The following EPM2A variants were observed in gnomAD, a reference collection of about 807,000 sequenced individuals.
EPM2A encodes the protein EPM2A glucan phosphatase, laforin, also known as laforin.
In EPM2A, 21 loss-of-function variants were observed where a neutral mutation model predicts 26.5. The observed-to-expected ratio is 0.79, with a 90% confidence interval of 0.56 to 1.14. The LOEUF (loss-of-function observed/expected upper bound fraction) is 1.14. EPM2A is among the 50% of genes most tolerant of loss of function. The pLI is 0.00. For synonymous variants in EPM2A, 217 were observed against 177.6 expected (o/e 1.22, Z -1.76); for missense variants, 458 against 440.8 (o/e 1.04, Z -0.35).
intron 4 of EPM2A, among the ~76,000 whole-genome samples, chr6:145,472,405 G>C (rs890798972): frequency 1.3e-5 from 2 of 151,798 alleles, no homozygotes; most frequent in African/African-American, 4.9e-5. Context: ...AGCGGACTTT[G>C]TTTTGCACCT....
At chr6:145,558,515 A>G (rs973921502) in intron 2 of EPM2A, among the ~76,000 whole-genome samples, 16 of 151,070 alleles carry the variant, frequency 1.1e-4, no homozygotes, top group Admixed American at 6.6e-5. Flanking sequence ...ACTGTTTTAC[A>G]TAATGTCTGT....
At chr6:145,657,794 C>A (rs574027967) in intron 2 of EPM2A, among the ~76,000 whole-genome samples, 6 of 152,270 alleles carry the variant, frequency 3.9e-5, no homozygotes, top group East Asian at 1.9e-4. Flanking sequence ...AAGTTCTAAT[C>A]AAAAAATTAT....
chr6:145,674,023 G>A (rs1040409869), intron 2 of EPM2A, among the ~76,000 whole-genome samples: 3 of 152,290 alleles, frequency 2.0e-5, no homozygotes, highest in African/African-American at 7.2e-5. Context: ...CTAACAGGGA[G>A]ACACCTACCA....
At chr6:145,618,035 G>A (rs973196636) in intron 2 of EPM2A, among the ~76,000 whole-genome samples, 1 of 152,146 alleles carries the variant, frequency 6.6e-6, no homozygotes, top group African/African-American at 2.4e-5. Context: ...GTCATAGAAT[G>A]GGCCAAAGCC....
chr6:145,691,116 T>A (rs1583063455), intron 1 of EPM2A, among the ~76,000 whole-genome samples: 1 of 152,102 alleles, frequency 6.6e-6, no homozygotes, highest in African/African-American at 2.4e-5. Context: ...GGAAAACTTT[T>A]CAAATTTGGC....
downstream of EPM2A, among the ~76,000 whole-genome samples, chr6:145,621,248 C>T (rs116927922): frequency 0.011 from 1,668 of 152,294 alleles, 13 homozygotes; most frequent in Admixed American, 0.018. Context: ...CAAGTTTTAA[C>T]GCTGTTGTTG....
At chr6:145,544,414 A>G (rs942415876) in intron 2 of EPM2A, among the ~76,000 whole-genome samples, 1 of 152,188 alleles carries the variant, frequency 6.6e-6, no homozygotes, top group Non-Finnish European at 1.5e-5. Context: ...GCTCAGTAAC[A>G]TTGGACAGAA....
At chr6:145,732,236 T>TGTGTGTGTGCGC (rs374032616) in intron 1 of EPM2A, among the ~76,000 whole-genome samples, 1 of 132,144 alleles carries the variant, frequency 7.6e-6, no homozygotes, top group East Asian at 2.2e-4. Context: ...TGTGTGTGTG[T>TGTGTGTGTGCGC]GCGCGCCAAA....
At chr6:145,649,147 T>G (rs1268797399) in intron 2 of EPM2A, among the ~76,000 whole-genome samples, 1 of 152,200 alleles carries the variant, frequency 6.6e-6, no homozygotes, top group Non-Finnish European at 1.5e-5. Context: ...GTTTCCCAGC[T>G]TTCACAGTAA....
chr6:145,561,890 G>A (rs758799815), intron 2 of EPM2A, among the ~76,000 whole-genome samples: 1 of 151,978 alleles, frequency 6.6e-6, no homozygotes, highest in South Asian at 2.1e-4. Flanking sequence ...AACACACCAG[G>A]GCCAGTCGGT....
At chr6:145,466,401 A>G (rs1187819936) in intron 4 of EPM2A, among the ~76,000 whole-genome samples, 10 of 152,250 alleles carry the variant, frequency 6.6e-5, no homozygotes, top group Admixed American at 2.6e-4. Context: ...AATGCTCATC[A>G]TCACTGGCCA....
chr6:145,635,165 T>C, intron 3 of EPM2A, 80 bp downstream of exon 3: 1 of 1,487,750 alleles, frequency 6.7e-7, no homozygotes, highest in South Asian at 1.1e-5. Flanking sequence ...ATTTTTAAGA[T>C]ATTAAATTAT....
chr6:145,625,792 C>G lies in EPM2A; in HGVS notation c.*1624G>C. 2.0e-6 allele frequency: 3 copies of G among 1,492,142 alleles called. No homozygotes were observed. The highest frequency in any genetic ancestry group is 2.8e-6 in the Non-Finnish European group (3 of 1,081,840). The allele number at this position is 1,492,142 out of a possible 1,614,324, so 92.4% of individuals were successfully genotyped here. A position where few individuals can be genotyped will look rare whatever the true frequency, so the allele number is the denominator to read the frequency against. On this transcript the variant is annotated 3_prime_UTR_variant, in exon 4 of 4. Transcript: ENST00000367519. ...CTATCTCCCCGTCCTCTGAGCTCCA[C>G]TGAAACTTACCTTGTATCCTTCTTG...
At chr6:145,489,944 C>A (rs527278882) in intron 4 of EPM2A, 3 of 1,369,442 alleles carry the variant, frequency 2.2e-6, no homozygotes, top group East Asian at 4.6e-5. Context: ...CTTATTTGGA[C>A]CTGCTCTGGA....
intron 2 of EPM2A, among the ~76,000 whole-genome samples, chr6:145,526,801 G>C (rs1378423917): frequency 6.6e-6 from 1 of 151,812 alleles, no homozygotes; most frequent in Non-Finnish European, 1.5e-5. Context: ...CCTGATTTTA[G>C]TTCTTTCTTT....
chr6:145,710,012 C>A (rs1269755499), intron 1 of EPM2A, among the ~76,000 whole-genome samples: 1 of 152,118 alleles, frequency 6.6e-6, no homozygotes, highest in Non-Finnish European at 1.5e-5. Context: ...ACCATAAAAA[C>A]CCTAGAAGAA....
chr6:145,487,997 C>T (rs974540946), intron 4 of EPM2A, among the ~76,000 whole-genome samples: 2 of 152,026 alleles, frequency 1.3e-5, no homozygotes, highest in East Asian at 1.9e-4. Flanking sequence ...TTTTTGTATA[C>T]AGTTTAAGGA....
chr6:145,468,913 T>C (rs1485395989), intron 4 of EPM2A, among the ~76,000 whole-genome samples: 2 of 152,078 alleles, frequency 1.3e-5, no homozygotes, highest in African/African-American at 4.8e-5. Flanking sequence ...ATAACCAGAA[T>C]ACATAAGGAG....
At chr6:145,537,994 G>C (rs1764565992) in intron 2 of EPM2A, among the ~76,000 whole-genome samples, 1 of 152,124 alleles carries the variant, frequency 6.6e-6, no homozygotes, top group Non-Finnish European at 1.5e-5. Flanking sequence ...TCTTTATCCA[G>C]TCTATCATTG....
Sources: allele counts gnomAD v4.1 joint callset (sites outside exome capture counted in the v4.1 genomes callset), GRCh38; gene constraint gnomAD v4.1.1; transcripts MANE v1.5; gene names NCBI Gene and HGNC (gene_info 2026-07-23, HGNC 2026-07-21).